Variants in SLC35F1 observed in about 807,000 individuals in gnomAD.
SLC35F1 encodes the protein solute carrier family 35 member F1.
In SLC35F1, 14 loss-of-function variants were observed where a neutral mutation model predicts 48.7. The observed-to-expected ratio is 0.29, with a 90% CI of 0.19 to 0.45. The LOEUF (loss-of-function observed/expected upper bound fraction) is 0.45, where lower values mean the gene tolerates loss of function less well. SLC35F1 is among the 20% of genes least tolerant of loss of function. The pLI is 1.00. For synonymous variants in SLC35F1, 190 were observed against 202.2 expected, an observed-to-expected ratio of 0.94 and a Z score of 0.51; for missense variants, 404 against 500.0, an observed-to-expected ratio of 0.81 and a Z score of 1.83.
At chr6:118,032,281 G>A (rs1772065463) in intron 1 of SLC35F1, among the ~76,000 whole-genome samples, 1 of 152,066 alleles carries the variant, frequency 6.6e-6, no homozygotes, top group Admixed American at 6.6e-5. Flanking sequence ...GGTGGACATG[G>A]AAGGCACGAG....
intron 7 of SLC35F1, among the ~76,000 whole-genome samples, chr6:118,301,549 GA>G (rs1170922085): frequency 6.6e-6 from 1 of 152,058 alleles, no homozygotes; most frequent in Non-Finnish European, 1.5e-5. Context: ...TTTATTTGTA[GA>G]AAAAATAAAT....
intron 2 of SLC35F1, among the ~76,000 whole-genome samples, chr6:118,191,691 A>T (rs1272218269): frequency 1.3e-5 from 2 of 152,200 alleles, no homozygotes; most frequent in African/African-American, 4.8e-5. Flanking sequence ...AGTGAACCAC[A>T]AAAACCTTTC....
chr6:118,090,902 A>G (rs1161078338), intron 1 of SLC35F1, among the ~76,000 whole-genome samples: 1 of 152,170 alleles, frequency 6.6e-6, no homozygotes, highest in Non-Finnish European at 1.5e-5. Flanking sequence ...ACACAAGAAG[A>G]TGGTGGGCTT....
At chr6:118,196,268 G>T (rs1774799610) in intron 2 of SLC35F1, among the ~76,000 whole-genome samples, 1 of 152,170 alleles carries the variant, frequency 6.6e-6, no homozygotes, top group African/African-American at 2.4e-5. Flanking sequence ...TCTAAGTTAG[G>T]CTTTCAATCT....
intron 1 of SLC35F1, among the ~76,000 whole-genome samples, chr6:118,114,531 G>A (rs1383095020): frequency 2.7e-5 from 4 of 146,152 alleles, no homozygotes; most frequent in East Asian, 2.1e-4. Context: ...CCGCCACCAC[G>A]CCCAGCTATT....
At chr6:118,217,283 T>A (rs1775088164) in intron 2 of SLC35F1, among the ~76,000 whole-genome samples, 1 of 152,178 alleles carries the variant, frequency 6.6e-6, no homozygotes, top group Admixed American at 6.5e-5. Context: ...TATCCATACC[T>A]TGGAATATTA....
chr6:118,157,446 G>A (rs779309101), intron 2 of SLC35F1, among the ~76,000 whole-genome samples: 7 of 152,102 alleles, frequency 4.6e-5, no homozygotes, highest in Non-Finnish European at 8.8e-5. Flanking sequence ...ATATGAAAGG[G>A]AGTTTATTAA....
At chr6:117,994,026 G>A (rs1262663019) in intron 1 of SLC35F1, among the ~76,000 whole-genome samples, 3 of 152,074 alleles carry the variant, frequency 2.0e-5, no homozygotes, top group Non-Finnish European at 4.4e-5. Flanking sequence ...GTGTCAGATG[G>A]CCTGAGCTCT....
intron 7 of SLC35F1, among the ~76,000 whole-genome samples, chr6:118,311,147 T>G (rs1401327768): frequency 6.6e-6 from 1 of 152,198 alleles, no homozygotes; most frequent in Non-Finnish European, 1.5e-5. Flanking sequence ...CTCTTCCAAT[T>G]CATTGTCCTA....
intron 4 of SLC35F1, among the ~76,000 whole-genome samples, chr6:118,272,784 T>G (rs1775873109): frequency 6.8e-6 from 1 of 147,814 alleles, no homozygotes; most frequent in Non-Finnish European, 1.5e-5. Flanking sequence ...TATACCATTT[T>G]TTAGCATAGA....
At chr6:117,933,505 T>G (rs180903001) in intron 1 of SLC35F1, among the ~76,000 whole-genome samples, 100 of 152,312 alleles carry the variant, frequency 6.6e-4, no homozygotes, top group African/African-American at 2.4e-3. Flanking sequence ...CCAAAAAGAA[T>G]AGTGGAGAAT....
chr6:118,188,732 CACTT>C (rs1483628828), intron 2 of SLC35F1, among the ~76,000 whole-genome samples: 10 of 152,286 alleles, frequency 6.6e-5, no homozygotes, highest in South Asian at 2.1e-4. Context: ...CATTAACAGA[CACTT>C]ACGTTGTTTC....
At position 117,921,007 on chromosome 6, in the gene SLC35F1, G is replaced by A. The variant is rs367880453; in HGVS notation, c.173+13108G>A. On this transcript the variant is annotated intron_variant, in intron 1 of 7. Coordinates refer to ENST00000360388, the MANE Select transcript of SLC35F1 (RefSeq NM_001029858.4). ...GAGATATTATTTGTAATGAGTCTTTGTCTATCCGCCTGAGTCTCTTTTTAT... is the reference window on the plus strand; with the variant it reads ...GAGATATTATTTGTAATGAGTCTTTATCTATCCGCCTGAGTCTCTTTTTAT... Among the ~76,000 whole-genome samples, 5 of 151,294 alleles carry A rather than the reference G, an allele frequency of 3.3e-5. No individual in the cohort carries two copies. The East Asian group carries it at 5.8e-4, about 18-fold the overall frequency.
Position 117,907,860 on chromosome 6 carries a change from G to A in SLC35F1, c.134G>A (p.Arg45Gln). ...GGCGGGAGCCTGTCCGCCTCCTCCC[G>A]GGCTGGCGTGCGCCAGAGGATCCGC... ...GGGGSLSASSRAGVRQRIRKV... is the reference protein window; with the variant it reads ...GGGGSLSASSQAGVRQRIRKV... Residue 45 changes from arginine to glutamine, a missense_variant, in exon 1 of 8, where the codon CGG becomes CAG. Arg to Gln is a conservative substitution (Grantham distance 43, BLOSUM62 1). This residue lies in a region of SLC35F1 where 98 missense variants were observed against 81.0 expected (regional missense o/e 1.21). Transcript: ENST00000360388. 8 of 1,524,382 alleles carry A rather than the reference G, an allele frequency of 5.2e-6. No individual in the cohort carries two copies. Among genetic ancestry groups the A allele is most frequent in the Non-Finnish European group, 7.0e-6 (8 of 1,146,224 alleles). 94.4% of individuals were successfully genotyped at this position (1,524,382 alleles called of 1,614,324 possible). A position where few individuals can be genotyped will look rare whatever the true frequency, so the allele number is the denominator to read the frequency against.
intron 1 of SLC35F1, among the ~76,000 whole-genome samples, chr6:117,960,805 GGGATGTTTCAGAGCTTATTTTA>G (rs1236178594): frequency 6.6e-6 from 1 of 152,128 alleles, no homozygotes; most frequent in Non-Finnish European, 1.5e-5. Flanking sequence ...GAGGGGTGAT[GGGATGTTTCAGAGCTTATTTTA>G]GGAAAGATTG....
chr6:118,267,804 C>T (rs1163751668), intron 4 of SLC35F1, among the ~76,000 whole-genome samples: 1 of 152,154 alleles, frequency 6.6e-6, no homozygotes, highest in African/African-American at 2.4e-5. Flanking sequence ...ATGATTCACT[C>T]ATCAAATTGC....
chr6:118,042,384 C>A (rs536749764), intron 1 of SLC35F1, among the ~76,000 whole-genome samples: 2 of 152,268 alleles, frequency 1.3e-5, no homozygotes, highest in East Asian at 3.9e-4. Context: ...ACAACTAACT[C>A]TACCTGCATA....
At chr6:118,313,359 C>A (rs374989541) in intron 7 of SLC35F1, among the ~76,000 whole-genome samples, 1 of 152,208 alleles carries the variant, frequency 6.6e-6, no homozygotes, top group East Asian at 1.9e-4. Flanking sequence ...CCTCTCCCCG[C>A]AAACTCTATG....
intron 1 of SLC35F1, among the ~76,000 whole-genome samples, chr6:118,032,776 G>T (rs948940164): frequency 6.6e-6 from 1 of 152,056 alleles, no homozygotes; most frequent in East Asian, 1.9e-4. Context: ...AAAGCTATTG[G>T]CATTTAAGGT....
Sources: gnomAD v4.1 joint callset for allele counts (sites outside exome capture counted in the v4.1 genomes callset) on GRCh38, gnomAD v4.1.1 for gene constraint, gnomAD v4.1.1 regional missense constraint, MANE v1.5 for transcripts, NCBI Gene and HGNC (gene_info 2026-07-23, HGNC 2026-07-21) for gene names.